Variants in MAGI1 observed in about 807,000 individuals in gnomAD.
MAGI1 encodes the protein membrane-associated guanylate kinase, WW and PDZ domain-containing protein 1.
In MAGI1, 58 loss-of-function variants were observed where a neutral mutation model predicts 139.9. The observed-to-expected ratio is 0.41, with a 90% CI of 0.34 to 0.52. The LOEUF is 0.52. Among genes scored for constraint, MAGI1 ranks in the 20% least tolerant of loss-of-function variants. MAGI1 has a pLI of 0.12. For synonymous variants in MAGI1, 812 were observed against 737.9 expected (o/e 1.10, Z -1.63); for missense variants, 1,874 against 1,901.6 (o/e 0.99, Z 0.27).
intron 1 of MAGI1, among the ~76,000 whole-genome samples, chr3:65,958,666 G>T (rs1039079003): frequency 2.0e-5 from 3 of 152,140 alleles, no homozygotes; most frequent in Non-Finnish European, 4.4e-5. Context: ...GAGGTTTAAA[G>T]CTGATGCCCA....
At chr3:65,655,596 C>T (rs931713778) in intron 1 of MAGI1, among the ~76,000 whole-genome samples, 1 of 152,166 alleles carries the variant, frequency 6.6e-6, no homozygotes, top group Non-Finnish European at 1.5e-5. Context: ...ATGATAAGTA[C>T]AATTTATTGC....
intron 2 of MAGI1, among the ~76,000 whole-genome samples, chr3:65,542,959 C>T (rs1391868117): frequency 6.6e-6 from 1 of 152,058 alleles, no homozygotes; most frequent in Non-Finnish European, 1.5e-5. Context: ...TCAGAGTGAA[C>T]AGGCACCCTA....
intron 1 of MAGI1, among the ~76,000 whole-genome samples, chr3:65,872,335 C>CCCAA (rs1400004789): frequency 6.6e-6 from 1 of 152,130 alleles, no homozygotes; most frequent in Non-Finnish European, 1.5e-5. Flanking sequence ...AATTTATGTA[C>CCCAA]CCAACTAATA....
At chr3:65,767,886 T>A (rs539904673) in intron 1 of MAGI1, among the ~76,000 whole-genome samples, 23 of 152,368 alleles carry the variant, frequency 1.5e-4, no homozygotes, top group African/African-American at 5.5e-4. Flanking sequence ...CAAGCCACTT[T>A]TTGTATTATG....
At chr3:65,541,029 G>C (rs571605976) in intron 2 of MAGI1, among the ~76,000 whole-genome samples, 1 of 152,114 alleles carries the variant, frequency 6.6e-6, no homozygotes, top group African/African-American at 2.4e-5. Context: ...AGTTTGAAAA[G>C]ATATATTCTT....
At position 65,870,553 on chromosome 3, in the gene MAGI1, G is replaced by C. The variant is rs532556524; in HGVS notation, c.313+167443C>G. On this transcript the variant is annotated intron_variant, in intron 1 of 22. Coordinates refer to ENST00000402939, the MANE Select transcript of MAGI1 (RefSeq NM_001033057.2). ...GGGGAAGAAGACAGGGAGGCAGAAAGGAAGACAGTAAGAGAGTCAAATCAA... is the reference window on the plus strand; with the variant it reads ...GGGGAAGAAGACAGGGAGGCAGAAACGAAGACAGTAAGAGAGTCAAATCAA... 2.6e-5 allele frequency among the ~76,000 whole-genome samples: 4 copies of C among 151,386 alleles called. No individual in the cohort carries two copies. The South Asian group carries it at 8.4e-4, about 32-fold the overall frequency.
intron 12 of MAGI1, among the ~76,000 whole-genome samples, chr3:65,421,615 G>T (rs1274051658): frequency 6.6e-6 from 1 of 152,088 alleles, no homozygotes; most frequent in African/African-American, 2.4e-5. Context: ...AGTTTTTCTC[G>T]TGTTTTGAGG....
At chr3:65,395,583 G>A (rs2107043612) in intron 13 of MAGI1, among the ~76,000 whole-genome samples, 1 of 131,890 alleles carries the variant, frequency 7.6e-6, no homozygotes, top group East Asian at 2.3e-4. Context: ...CTTCCAGTGA[G>A]CTGAGATCAC....
intron 1 of MAGI1, among the ~76,000 whole-genome samples, chr3:66,034,509 C>T (rs1055710433): frequency 4.6e-5 from 7 of 152,260 alleles, no homozygotes; most frequent in African/African-American, 9.6e-5. Flanking sequence ...TACATACTAG[C>T]GACATCTTAT....
At chr3:65,935,107 AG>A (rs751950463) in intron 1 of MAGI1, among the ~76,000 whole-genome samples, 15 of 152,226 alleles carry the variant, frequency 9.9e-5, no homozygotes, top group Non-Finnish European at 4.4e-5. Flanking sequence ...GTGTTTGGAA[AG>A]GAAGAATATC....
intron 1 of MAGI1, among the ~76,000 whole-genome samples, chr3:65,895,604 C>G (rs1025519295): frequency 5.3e-5 from 8 of 152,198 alleles, no homozygotes; most frequent in African/African-American, 1.7e-4. Flanking sequence ...TATCCGGCAG[C>G]TTTCTGTATC....
intron 1 of MAGI1, among the ~76,000 whole-genome samples, chr3:66,032,925 A>C (rs966125345): frequency 2.7e-5 from 4 of 149,764 alleles, no homozygotes; most frequent in Admixed American, 6.7e-5. Context: ...AAAAAAAAAA[A>C]AAAAAAAAAC....
chr3:65,699,410 G>A (rs148267697), intron 1 of MAGI1, among the ~76,000 whole-genome samples: 59,731 of 141,886 alleles, frequency 0.42, 13,611 homozygotes, highest in African/African-American at 0.6. Context: ...TCATGCTGCT[G>A]TAAAGACACA....
chr3:65,577,327 T>G (rs1338150884), intron 2 of MAGI1, among the ~76,000 whole-genome samples: 1 of 152,182 alleles, frequency 6.6e-6, no homozygotes, highest in Non-Finnish European at 1.5e-5. Context: ...GAATCCATTA[T>G]GAATAAAACA....
rs1284976991 is a variant in MAGI1 at position 65,449,690 on chromosome 3, C to T, written c.1043-1633G>A. On this transcript the variant is annotated intron_variant, in intron 6 of 22. Coordinates refer to ENST00000402939, the MANE Select transcript of MAGI1 (RefSeq NM_001033057.2). The stretch of plus-strand genomic sequence containing the variant: ...ACTCGGGAGGCTGAGGCAGGAGAAT[C>T]GCTTGAACAGGGAGGCAAAGGTTGC... Among the ~76,000 whole-genome samples the T allele has an allele frequency of 4.6e-5, 7 of 152,070 alleles. No individual in the cohort carries two copies. In the South Asian group the frequency reaches 8.3e-4, roughly 18 times the overall value.
intron 2 of MAGI1, among the ~76,000 whole-genome samples, chr3:65,529,620 TTTAAG>T (rs1201390256): frequency 2.0e-5 from 3 of 152,240 alleles, no homozygotes; most frequent in Non-Finnish European, 4.4e-5. Context: ...TTGATGGACA[TTTAAG>T]TTGTTTCCAA....
chr3:65,461,376 C>T (rs937955397), intron 5 of MAGI1, among the ~76,000 whole-genome samples: 2 of 151,856 alleles, frequency 1.3e-5, no homozygotes, highest in African/African-American at 2.4e-5. Flanking sequence ...CCAATACACC[C>T]GCCTAGTTTT....
At chr3:65,992,764 C>G (rs928401012) in intron 1 of MAGI1, among the ~76,000 whole-genome samples, 1 of 152,148 alleles carries the variant, frequency 6.6e-6, no homozygotes, top group Non-Finnish European at 1.5e-5. Flanking sequence ...GAACAAGGGG[C>G]AGAGACTTTA....
At chr3:65,896,692 A>G (rs2060983889) in intron 1 of MAGI1, among the ~76,000 whole-genome samples, 1 of 152,186 alleles carries the variant, frequency 6.6e-6, no homozygotes, top group Non-Finnish European at 1.5e-5. Flanking sequence ...CAAACAAACA[A>G]ACTGGAAACA....
Sources: allele counts gnomAD v4.1 joint callset (sites outside exome capture counted in the v4.1 genomes callset), GRCh38; gene constraint gnomAD v4.1.1; transcripts MANE v1.5; gene names NCBI Gene and HGNC (gene_info 2026-07-23, HGNC 2026-07-21).